Variants in CNST observed in about 807,000 individuals in gnomAD.
CNST encodes the protein consortin.
In CNST, 39 loss-of-function variants were observed where a neutral mutation model predicts 72.4. The observed-to-expected ratio is 0.54, with a 90% confidence interval of 0.42 to 0.70. The LOEUF (loss-of-function observed/expected upper bound fraction) is 0.70. CNST is among the 30% of genes least tolerant of loss of function. The pLI is 0.00. For missense variants in CNST, 871 were observed against 868.5 expected (o/e 1.00, Z -0.04); for synonymous variants, 332 against 320.1 (o/e 1.04, Z -0.40).
intron 1 of CNST, among the ~76,000 whole-genome samples, chr1:246,590,672 A>C (rs1349729666): frequency 2.6e-5 from 4 of 152,052 alleles, no homozygotes; most frequent in Non-Finnish European, 5.9e-5. Flanking sequence ...TTACTGGATT[A>C]TTTCTTTCAT....
chr1:246,646,228 C>A (rs990907122), intron 8 of CNST, among the ~76,000 whole-genome samples: 1 of 146,180 alleles, frequency 6.8e-6, no homozygotes, highest in Non-Finnish European at 1.5e-5. Context: ...TGCAGTGAGC[C>A]GAGATCGCGC....
intron 7 of CNST, 25 bp from the exon 8 acceptor site, chr1:246,641,916 G>A: frequency 1.3e-6 from 2 of 1,566,886 alleles, no homozygotes; most frequent in Non-Finnish European, 1.7e-6. Flanking sequence ...CCAAAAGTTG[G>A]GTTTTCTTGT....
chr1:246,661,204 A>C (rs1041101801), intron 10 of CNST, among the ~76,000 whole-genome samples: 1 of 151,936 alleles, frequency 6.6e-6, no homozygotes, highest in Non-Finnish European at 1.5e-5. Flanking sequence ...TCCTAACCTC[A>C]TGAGGTTAGG....
intron 6 of CNST, among the ~76,000 whole-genome samples, chr1:246,636,752 C>G (rs1665282780): frequency 2.0e-5 from 3 of 152,186 alleles, no homozygotes; most frequent in Admixed American, 2.0e-4. Context: ...AGATTTTTTA[C>G]TTTATAATAA....
chr1:246,612,864 G>T (rs900851068), intron 2 of CNST, among the ~76,000 whole-genome samples: 1 of 152,126 alleles, frequency 6.6e-6, no homozygotes, highest in East Asian at 1.9e-4. Flanking sequence ...CAGCCTGGGT[G>T]ACAGAGTGAG....
Position 246,665,977 on chromosome 1 carries a change from A to G in CNST, c.*72A>G. 8.7e-7 allele frequency: 1 copy of G among 1,144,688 alleles called. No homozygotes were observed. The highest frequency in any genetic ancestry group is 1.3e-6 in the Non-Finnish European group (1 of 790,682). The allele number at this position is 1,144,688 out of a possible 1,614,324, so 70.9% of individuals were successfully genotyped here. On this transcript the variant is annotated 3_prime_UTR_variant, in exon 11 of 11. Transcript: ENST00000366513. Reference sequence around the variant, plus strand: ...AGACTTTCTAAACAGTTTTTCTTTCAGGAATTCTGTAGCATTCCCCCTTCC... The same window carrying G: ...AGACTTTCTAAACAGTTTTTCTTTCGGGAATTCTGTAGCATTCCCCCTTCC...
chr1:246,569,847 C>A, intron 1 of CNST: 1 of 494,922 alleles, frequency 2.0e-6, no homozygotes, highest in Non-Finnish European at 2.6e-6. Flanking sequence ...TTTACATCTG[C>A]ACGTCAACAG....
chr1:246,595,948 T>A (rs1661849976), intron 2 of CNST, among the ~76,000 whole-genome samples: 1 of 152,170 alleles, frequency 6.6e-6, no homozygotes, highest in Non-Finnish European at 1.5e-5. Context: ...AGGAGACATG[T>A]CACTGTTTAT....
intron 8 of CNST, 105 bp downstream of exon 8, chr1:246,642,142 T>G (rs1011675165): frequency 9.7e-6 from 6 of 619,228 alleles, no homozygotes; most frequent in Admixed American, 7.6e-5. Flanking sequence ...GGTTTTTTTT[T>G]TTTTTTTTTT....
At chr1:246,619,827 C>T (rs1472740033) in intron 2 of CNST, among the ~76,000 whole-genome samples, 1 of 150,612 alleles carries the variant, frequency 6.6e-6, no homozygotes, top group Non-Finnish European at 1.5e-5. Context: ...TGGGCACACT[C>T]TACAGGGAGG....
Position 246,591,715 on chromosome 1 carries a change from G to A in CNST, c.153G>A (p.Leu51=). 6.2e-7 allele frequency: 1 copy of A among 1,614,160 alleles called. No homozygotes were observed. Among genetic ancestry groups the A allele is most frequent in the African/African-American group, 1.3e-5 (1 of 75,034 alleles). ...TTGACGGGGACGGGCATGAGCATCT[G>A]ACCAGCAGTGACAGTGCGATGGGAA... is the stretch of plus-strand genomic sequence containing the variant. The part of the protein sequence containing the change: ...NQLDGDGHEH[L]TSSDSAMGKP... The change falls in exon 2 of 11, where the codon CTG becomes CTA. Residue 51 remains leucine, a synonymous_variant. Transcript: ENST00000366513.
In CNST at chr1:246,586,918, A is replaced by T. The variant is rs551973878; in HGVS notation, c.-51-4594A>T. The stretch of plus-strand genomic sequence containing the variant: ...TTTTAAAAGTAATTTAAAAATGATT[A>T]TAGTGGTTAAGGATACAGGCTCTGG... On this transcript the variant is annotated intron_variant, in intron 1 of 10. Coordinates refer to ENST00000366513, the MANE Select transcript of CNST (RefSeq NM_152609.3). Among the ~76,000 whole-genome samples, 7 of 152,308 alleles carry T rather than the reference A, an allele frequency of 4.6e-5. 1 individual carries two copies. The South Asian group carries it at 1.5e-3, about 32-fold the overall frequency.
Position 246,633,911 on chromosome 1 carries a change from A to G in CNST, c.617-13A>G. 1 of 1,551,360 alleles carries G rather than the reference A, an allele frequency of 6.4e-7. No individual in the cohort carries two copies. Among genetic ancestry groups the G allele is most frequent in the Non-Finnish European group, 8.9e-7 (1 of 1,122,922 alleles). ...TAGTGTGGATTTCTATTTTCCTTAA[A>G]TGTTCTATTCAGATGAGAAAGCAAT... On this transcript the variant is annotated splice_polypyrimidine_tract_variant and intron_variant, in intron 4 of 10. Transcript: ENST00000366513.
At chr1:246,630,184 A>G (rs1664687680) in intron 3 of CNST, among the ~76,000 whole-genome samples, 1 of 152,216 alleles carries the variant, frequency 6.6e-6, no homozygotes. Flanking sequence ...CACCACTGAA[A>G]TGAGCAAACA....
chr1:246,660,927 T>G (rs1667066750), intron 10 of CNST, among the ~76,000 whole-genome samples: 1 of 152,044 alleles, frequency 6.6e-6, no homozygotes, highest in African/African-American at 2.4e-5. Context: ...TCAGTTTCCC[T>G]CTTTAGTACT....
At chr1:246,654,123 C>A (rs745526118) in intron 9 of CNST, among the ~76,000 whole-genome samples, 6 of 152,184 alleles carry the variant, frequency 3.9e-5, no homozygotes, top group South Asian at 2.1e-4. Flanking sequence ...CTGTACTACT[C>A]GACATTCAGG....
chr1:246,568,998 CACTGGTATT>C (rs1359666030), intron 1 of CNST, among the ~76,000 whole-genome samples: 1 of 152,086 alleles, frequency 6.6e-6, no homozygotes, highest in South Asian at 2.1e-4. Flanking sequence ...CCTCCCAAAA[CACTGGTATT>C]ACAGGCATGA....
intron 1 of CNST, among the ~76,000 whole-genome samples, chr1:246,572,058 C>T (rs991534118): frequency 6.6e-6 from 1 of 151,896 alleles, no homozygotes; most frequent in East Asian, 1.9e-4. Context: ...GGTAAAGTAA[C>T]CTTTAAAAAT....
intron 10 of CNST, among the ~76,000 whole-genome samples, chr1:246,661,582 A>G (rs554680992): frequency 8.1e-4 from 123 of 152,354 alleles, no homozygotes; most frequent in Non-Finnish European, 1.6e-3. Flanking sequence ...GGCCTGTCAA[A>G]CTTAAGGCCC....
Sources: allele counts gnomAD v4.1 joint callset (sites outside exome capture counted in the v4.1 genomes callset), GRCh38; gene constraint gnomAD v4.1.1; transcripts MANE v1.5; gene names NCBI Gene and HGNC (gene_info 2026-07-23, HGNC 2026-07-21).